Variants in TMEM248 observed in about 807,000 individuals in gnomAD.
The protein encoded by TMEM248 is UPF0458 protein C7orf42.
Under a neutral mutation model 30.3 loss-of-function variants are expected in TMEM248, and 9 were observed. The observed-to-expected ratio is 0.30, with a 90% CI of 0.18 to 0.52. TMEM248 has a LOEUF of 0.52. TMEM248 is among the 20% of genes least tolerant of loss of function. The probability of loss-of-function intolerance (pLI) is 0.97; values close to 1 mark genes in which losing one functional copy is unlikely to be tolerated. For synonymous variants in TMEM248, 184 were observed against 154.4 expected, an observed-to-expected ratio of 1.19 and a Z score of -1.42; for missense variants, 338 against 403.3, an observed-to-expected ratio of 0.84 and a Z score of 1.39.
chr7:66,929,426 ATTTTTTTTTTTTTTTTT>A (rs35126436), intron 1 of TMEM248, among the ~76,000 whole-genome samples: 1 of 97,636 alleles, frequency 1.0e-5, no homozygotes, highest in Non-Finnish European at 2.0e-5. Flanking sequence ...TGAGAGACAA[ATTTTTTTTTTTTTTTTT>A]TTTTTTTTTT....
intron 4 of TMEM248, 104 bp from the exon 5 acceptor site, chr7:66,950,848 T>C (rs1792244377): frequency 1.5e-5 from 13 of 859,370 alleles, no homozygotes; most frequent in South Asian, 1.4e-4. Flanking sequence ...TTCCTTTCCA[T>C]GTGTGTTGCC....
Position 66,950,938 on chromosome 7 carries a change from C to T in TMEM248, c.597-14C>T, listed in dbSNP as rs756590692. 5.2e-6 allele frequency: 8 copies of T among 1,543,156 alleles called. No individual in the cohort carries two copies. The highest frequency in any genetic ancestry group is 3.5e-4 in the Middle Eastern group (2 of 5,636). On this transcript the variant is annotated splice_polypyrimidine_tract_variant and intron_variant, in intron 4 of 6. Coordinates refer to ENST00000341567, the MANE Select transcript of TMEM248 (RefSeq NM_017994.5). ...CACTGAGCACGTGTCTTTCCTCCTC[C>T]TCTTCTCCTGCAGACAGCCACCGCA...
chr7:66,924,795 C>T (rs777838757), intron 1 of TMEM248, among the ~76,000 whole-genome samples: 11 of 152,030 alleles, frequency 7.2e-5, no homozygotes, highest in African/African-American at 1.7e-4. Context: ...CTGCAACCTT[C>T]GCCGCCCAGT....
At chr7:66,952,758 G>C (rs1465315111) in intron 5 of TMEM248, among the ~76,000 whole-genome samples, 1 of 152,226 alleles carries the variant, frequency 6.6e-6, no homozygotes, top group Admixed American at 6.5e-5. Context: ...GAGGAAGGGC[G>C]TGACCCCTGG....
chr7:66,948,721 G>A (rs1466494320), intron 4 of TMEM248, 27 bp downstream of exon 4: 4 of 1,584,724 alleles, frequency 2.5e-6, no homozygotes, highest in African/African-American at 2.7e-5. Context: ...CCTGATGAAC[G>A]TGCGTAACAA....
At chr7:66,952,246 G>C (rs1300399282) in intron 5 of TMEM248, among the ~76,000 whole-genome samples, 1 of 152,086 alleles carries the variant, frequency 6.6e-6, no homozygotes, top group East Asian at 1.9e-4. Flanking sequence ...GCTAATTTTT[G>C]TATTTTTGGT....
chr7:66,940,937 A>G (rs1791931007), intron 1 of TMEM248, among the ~76,000 whole-genome samples: 1 of 152,222 alleles, frequency 6.6e-6, no homozygotes, highest in Non-Finnish European at 1.5e-5. Context: ...CGGAAGTAAC[A>G]GTATTTATTA....
intron 1 of TMEM248, chr7:66,921,945 T>A (rs1488876435): frequency 6.6e-6 from 1 of 152,236 alleles, no homozygotes; most frequent in Admixed American, 6.5e-5. Context: ...GGGTGGATTC[T>A]TTCTTCATGT....
At chr7:66,947,103 T>C (rs1433740313) in intron 3 of TMEM248, among the ~76,000 whole-genome samples, 2 of 150,428 alleles carry the variant, frequency 1.3e-5, no homozygotes, top group Non-Finnish European at 2.9e-5. Context: ...TAGTCCCAGC[T>C]ACTTGTGAGG....
intron 1 of TMEM248, among the ~76,000 whole-genome samples, chr7:66,940,977 C>T (rs1056183636): frequency 5.9e-5 from 9 of 152,114 alleles, no homozygotes; most frequent in African/African-American, 2.2e-4. Flanking sequence ...AGTCTGGGTA[C>T]GGTGACTCAC....
At chr7:66,931,335 C>T (rs570417189) in intron 1 of TMEM248, among the ~76,000 whole-genome samples, 1 of 132,902 alleles carries the variant, frequency 7.5e-6, no homozygotes, top group Admixed American at 7.5e-5. Flanking sequence ...CAGTTTAAAA[C>T]TACAATAAAG....
chr7:66,953,235 T>G lies in TMEM248; in HGVS notation c.790T>G (p.Ser264Ala), dbSNP rs776788966. The change falls in exon 6 of 7, where the codon TCA becomes GCA. Residue 264 changes from serine to alanine, a missense_variant. By Grantham distance (99) the Ser-to-Ala change is moderately conservative. Transcript: ENST00000341567. ...LTVIVPDDDR[S>A]LINLHLMHTS... ...TCTCTTCTTTATTTAGGATGACCGT[T>G]CATTAATAAATTTGCATCTCATGCA... 8.1e-6 allele frequency: 13 copies of G among 1,614,110 alleles called. No homozygotes were observed. Among genetic ancestry groups the G allele is most frequent in the Admixed American group, 1.7e-5 (1 of 60,000 alleles).
rs1481578738 is a variant in TMEM248, at chr7:66,921,470, G to C, written c.-19+9G>C. 1 of 150,970 alleles carries C rather than the reference G, an allele frequency of 6.6e-6. No homozygotes were observed. Among genetic ancestry groups the C allele is most frequent in the Non-Finnish European group, 1.5e-5 (1 of 67,690 alleles). The allele number at this position is 150,970 out of a possible 1,614,324, so 9.4% of individuals were successfully genotyped here. A position where few individuals can be genotyped will look rare whatever the true frequency, so the allele number is the denominator to read the frequency against. Reference sequence around the variant, plus strand: ...CTGCCCGCCGGGGCGGGGTGAGCCGGGGCTGGAGGGCGGGCTGGGGTCGGG... The same window carrying C: ...CTGCCCGCCGGGGCGGGGTGAGCCGCGGCTGGAGGGCGGGCTGGGGTCGGG... On this transcript the variant is annotated intron_variant, in intron 1 of 6. Coordinates refer to ENST00000341567, the MANE Select transcript of TMEM248 (RefSeq NM_017994.5).
At chr7:66,931,276 T>A in intron 1 of TMEM248, among the ~76,000 whole-genome samples, 1 of 127,062 alleles carries the variant, frequency 7.9e-6, no homozygotes, top group East Asian at 2.2e-4. Context: ...CCAGCCTGGG[T>A]GACAGTGCGA....
chr7:66,951,475 A>G (rs1052571607), intron 5 of TMEM248: 9 of 198,598 alleles, frequency 4.5e-5, no homozygotes, highest in Non-Finnish European at 9.1e-5. Flanking sequence ...ATAGAAGACT[A>G]TCTAGTTAGT....
chr7:66,953,094 T>C (rs1440005843), intron 5 of TMEM248, 132 bp from the exon 6 acceptor site: 1 of 993,950 alleles, frequency 1.0e-6, no homozygotes, highest in Non-Finnish European at 1.5e-6. Flanking sequence ...AGGAGAAACC[T>C]CCTCTTGCAG....
chr7:66,946,686 T>C (rs1584412347), intron 3 of TMEM248, among the ~76,000 whole-genome samples: 1 of 152,184 alleles, frequency 6.6e-6, no homozygotes, highest in Admixed American at 6.6e-5. Flanking sequence ...TTACAATAGT[T>C]CCTGCCACAA....
intron 1 of TMEM248, among the ~76,000 whole-genome samples, chr7:66,933,079 C>T (rs1455591143): frequency 2.0e-5 from 3 of 152,122 alleles, no homozygotes; most frequent in Non-Finnish European, 2.9e-5. Context: ...TGGCTGGTCT[C>T]GAACTCCTGA....
chr7:66,951,187 T>C, intron 5 of TMEM248, 52 bp downstream of exon 5: 1 of 1,449,998 alleles, frequency 6.9e-7, no homozygotes, highest in Non-Finnish European at 9.2e-7. Context: ...TATGCACATG[T>C]GTGCGCATGT....
Sources: gnomAD v4.1 joint callset for allele counts (sites outside exome capture counted in the v4.1 genomes callset) on GRCh38, gnomAD v4.1.1 for gene constraint, MANE v1.5 for transcripts, NCBI Gene and HGNC (gene_info 2026-07-23, HGNC 2026-07-21) for gene names.